Variants in DNAH14 observed in about 807,000 individuals in gnomAD.
DNAH14 encodes the protein dynein axonemal heavy chain 14, also known as axonemal beta dynein heavy chain 14.
A neutral mutation model predicts 520.9 loss-of-function variants in DNAH14; 478 were observed. The observed-to-expected ratio is 0.92, with a 90% CI of 0.85 to 0.99. DNAH14 has a LOEUF of 0.99. DNAH14 is among the 50% of genes least tolerant of loss of function. DNAH14 has a pLI of 0.00. For synonymous variants in DNAH14, 1,581 were observed against 1,757.2 expected (o/e 0.90, Z 2.51); for missense variants, 4,831 against 5,234.5 (o/e 0.92, Z 2.38).
chr1:225,029,296 C>T (rs2066363392), intron 11 of DNAH14, among the ~76,000 whole-genome samples: 1 of 151,744 alleles, frequency 6.6e-6, no homozygotes, highest in African/African-American at 2.4e-5. Flanking sequence ...TATAAAGGGG[C>T]CTGATACAAT....
chr1:225,393,814 G>GTTTTTTTT (rs1354333069), intron 84 of DNAH14, among the ~76,000 whole-genome samples: 1 of 143,120 alleles, frequency 7.0e-6, no homozygotes, highest in Non-Finnish European at 1.5e-5. Context: ...ATCTTTTTTT[G>GTTTTTTTT]TTTTTTTTTT....
chr1:225,197,071 T>C (rs2086240323), intron 38 of DNAH14, among the ~76,000 whole-genome samples: 1 of 152,198 alleles, frequency 6.6e-6, no homozygotes, highest in African/African-American at 2.4e-5. Context: ...TATCTTTGTT[T>C]TTGTTGCATT....
At chr1:225,131,304 T>TAG (rs2078395631) in intron 27 of DNAH14, among the ~76,000 whole-genome samples, 1 of 152,220 alleles carries the variant, frequency 6.6e-6, no homozygotes, top group South Asian at 2.1e-4. Flanking sequence ...CACAGGTCTC[T>TAG]GTGGGCTAAG....
chr1:225,396,487 A>G (rs1413476278), intron 84 of DNAH14: 2 of 152,130 alleles, frequency 1.3e-5, no homozygotes, highest in Non-Finnish European at 2.9e-5. Context: ...TGAACCCACC[A>G]AGTCTAGCTG....
intron 81 of DNAH14, 52 bp from the exon 82 acceptor site, chr1:225,388,327 G>A: frequency 9.1e-7 from 1 of 1,103,542 alleles, no homozygotes; most frequent in Non-Finnish European, 1.3e-6. Context: ...TGTTCCTAAT[G>A]ACCCCAAAGA....
intron 12 of DNAH14, among the ~76,000 whole-genome samples, chr1:225,040,902 G>A (rs1415071199): frequency 6.6e-6 from 1 of 152,256 alleles, no homozygotes; most frequent in Admixed American, 6.5e-5. Flanking sequence ...CAATCAGATA[G>A]GTGTGAAATG....
At chr1:225,387,650 A>G (rs1575148976) in intron 81 of DNAH14, among the ~76,000 whole-genome samples, 4 of 152,152 alleles carry the variant, frequency 2.6e-5, no homozygotes, top group Admixed American at 2.6e-4. Flanking sequence ...ACAGAAGCCT[A>G]GGGGAGAAAG....
At chr1:225,250,408 T>G (rs558118579) in intron 43 of DNAH14, among the ~76,000 whole-genome samples, 9 of 152,352 alleles carry the variant, frequency 5.9e-5, no homozygotes, top group Admixed American at 4.6e-4. Flanking sequence ...CAATTCCAGC[T>G]TGTAGCCTAC....
intron 51 of DNAH14, 55 bp from the exon 52 acceptor site, chr1:225,272,900 A>C (rs1474302407): frequency 1.4e-6 from 2 of 1,447,070 alleles, no homozygotes; most frequent in Non-Finnish European, 9.1e-7. Context: ...CCTTCGCTTC[A>C]CATACTACCC....
intron 51 of DNAH14, 91 bp from the exon 52 acceptor site, chr1:225,272,864 T>C: frequency 8.2e-7 from 1 of 1,213,826 alleles, no homozygotes; most frequent in Non-Finnish European, 1.1e-6. Context: ...TCTATTTTTA[T>C]GGATCATAAA....
chr1:225,005,219 C>T (rs547944941), intron 9 of DNAH14, among the ~76,000 whole-genome samples: 2 of 152,150 alleles, frequency 1.3e-5, no homozygotes, highest in African/African-American at 4.8e-5. Flanking sequence ...TTTTATTGAG[C>T]AGTATTTGGG....
At position 224,967,425 on chromosome 1, in the gene DNAH14, T is replaced by A; in HGVS notation, c.499-6T>A. The A allele has an allele frequency of 6.6e-7, 1 of 1,520,580 alleles. No individual in the cohort carries two copies. Among genetic ancestry groups the A allele is most frequent in the Non-Finnish European group, 8.8e-7 (1 of 1,141,534 alleles). The allele number at this position is 1,520,580 out of a possible 1,614,324, so 94.2% of individuals were successfully genotyped here. On this transcript the variant is annotated splice_polypyrimidine_tract_variant and splice_region_variant and intron_variant, in intron 5 of 85. Transcript: ENST00000682510. Reference sequence around the variant, plus strand: ...AATTTGTTTATTATTTTTTTTTTAATCTCAGAAACCTTTGGAAGATGATGG... The same window carrying A: ...AATTTGTTTATTATTTTTTTTTTAAACTCAGAAACCTTTGGAAGATGATGG...
At chr1:225,229,738 G>C (rs181324519) in intron 41 of DNAH14, among the ~76,000 whole-genome samples, 1 of 151,966 alleles carries the variant, frequency 6.6e-6, no homozygotes, top group East Asian at 1.9e-4. Flanking sequence ...TGGGCACAAG[G>C]GGGGAACATC....
chr1:225,303,398 G>T, intron 57 of DNAH14, 51 bp downstream of exon 57: 1 of 1,474,638 alleles, frequency 6.8e-7, no homozygotes, highest in Non-Finnish European at 9.1e-7. Flanking sequence ...GCATCTGATG[G>T]TATTATGCCT....
intron 73 of DNAH14, 145 bp from the exon 74 acceptor site, chr1:225,358,351 C>A: frequency 1.4e-6 from 1 of 695,578 alleles, no homozygotes; most frequent in South Asian, 2.1e-5. Flanking sequence ...CATGCATAGT[C>A]TGTCCCATTA....
chr1:225,206,148 C>A lies in DNAH14; in HGVS notation c.6155C>A (p.Ala2052Asp), dbSNP rs1267629970. The A allele has an allele frequency of 3.9e-6, 6 of 1,551,180 alleles. No individual in the cohort carries two copies. In the Admixed American group the frequency reaches 1.2e-4, roughly 30 times the overall value. Reference protein sequence around the residue: ...EVDNLSQASPATVSRCAMVYM... With the variant: ...EVDNLSQASPDTVSRCAMVYM... The stretch of plus-strand genomic sequence containing the variant: ...GACAATCTCTCTCAGGCCAGTCCTG[C>A]TACTGTCAGCCGATGTGCCATGGTC... The change falls in exon 40 of 86, where the codon GCT becomes GAT. Residue 2052 changes from alanine to aspartate, a missense_variant. Coordinates refer to ENST00000682510, the MANE Select transcript of DNAH14 (RefSeq NM_001367479.1).
chr1:224,955,187 A>C, intron 3 of DNAH14, 89 bp downstream of exon 3: 1 of 1,315,160 alleles, frequency 7.6e-7, no homozygotes, highest in Non-Finnish European at 1.1e-6. Context: ...TAAATTAAGG[A>C]AACAAGTGAA....
chr1:224,932,283 G>A (rs1015910359), intron 1 of DNAH14, among the ~76,000 whole-genome samples: 4 of 151,874 alleles, frequency 2.6e-5, no homozygotes, highest in Non-Finnish European at 5.9e-5. Flanking sequence ...CTTGTCCTTT[G>A]CATACTTTTT....
At position 225,080,725 on chromosome 1, in the gene DNAH14, A is replaced by G. The variant is rs115240788; in HGVS notation, c.3113A>G (p.His1038Arg). ...SVQRNVSKLM[H>R]IISVLEKGLP... ...CAGAGAAATGTTTCAAAACTGATGC[A>G]CATAATCTCGGTACTAGAAAAAGGT... The change falls in exon 19 of 86, where the codon CAC becomes CGC. Residue 1038 changes from histidine to arginine, a missense_variant. His to Arg is a conservative substitution (Grantham distance 29). Transcript: ENST00000682510. The G allele has an allele frequency of 6.5e-7, 1 of 1,528,172 alleles. No individual in the cohort carries two copies. The highest frequency in any genetic ancestry group is 2.1e-5 in the Admixed American group (1 of 47,044). The allele number at this position is 1,528,172 out of a possible 1,614,324, so 94.7% of individuals were successfully genotyped here.
Sources: gnomAD v4.1 joint callset for allele counts (sites outside exome capture counted in the v4.1 genomes callset) on GRCh38, gnomAD v4.1.1 for gene constraint, MANE v1.5 for transcripts, NCBI Gene and HGNC (gene_info 2026-07-23, HGNC 2026-07-21) for gene names.